The following MMRN2 variants were observed in gnomAD, a reference collection of about 807,000 sequenced individuals.
The protein encoded by MMRN2 is multimerin-2.
Under a neutral mutation model 68.8 loss-of-function variants are expected in MMRN2, and 53 were observed. The observed-to-expected ratio is 0.77, with a 90% CI of 0.62 to 0.97. The LOEUF is 0.97. Ranked by LOEUF, MMRN2 falls within the 50% of genes least tolerant of loss-of-function variation. The pLI, the probability that MMRN2 is intolerant of heterozygous loss-of-function variation, is 0.00. For missense variants in MMRN2, 1,266 were observed against 1,259.5 expected (o/e 1.01, Z -0.08); for synonymous variants, 564 against 551.6 (o/e 1.02, Z -0.32).
chr10:86,945,649 G>C lies in MMRN2; in HGVS notation c.205C>G (p.Leu69Val), dbSNP rs781225520. ...AATTTCTCTGTTTTGCAAAGAGCTA[G>C]TAAGGTGACCAGCTTGGACATTGGG... is the stretch of plus-strand genomic sequence containing the variant. ...PYPMSKLVTL[L>V]ALCKTEKFLI... is the part of the protein sequence containing the mutation. Residue 69 changes from leucine to valine, a missense_variant, in exon 2 of 7, where the codon CTA (leucine) becomes GTA (valine). By Grantham distance (32) the Leu-to-Val change is conservative. Transcript: ENST00000372027. 3.1e-6 allele frequency: 5 copies of C among 1,613,990 alleles called. No homozygotes were observed. Among genetic ancestry groups the C allele is most frequent in the East Asian group, 4.5e-5 (2 of 44,888 alleles).
rs1441288866 is a variant in MMRN2 at position 86,939,836 on chromosome 10, TG to T, written c.2467+2480del. Among the ~76,000 whole-genome samples the T allele has an allele frequency of 2.0e-3, 259 of 132,582 alleles. 1 individual carries two copies. Among genetic ancestry groups the T allele is most frequent in the African/African-American group, 7.2e-3 (246 of 34,378 alleles). 87.0% of individuals were successfully genotyped at this position (132,582 alleles called of 152,430 possible). A position where few individuals can be genotyped will look rare whatever the true frequency, so the allele number is the denominator to read the frequency against. ...GTGTGTGTGTGTGTGTGTGTGTGTG[TG>T]TTTGTGTGTGTGTGTGTGTGTGTGT... On this transcript the variant is annotated intron_variant, in intron 6 of 6. Transcript: ENST00000372027.
intron 1 of MMRN2, among the ~76,000 whole-genome samples, chr10:86,954,492 G>C (rs1447892860): frequency 1.3e-5 from 2 of 152,148 alleles, no homozygotes; most frequent in South Asian, 4.1e-4. Context: ...GCCTGTGGGA[G>C]GGGGAGGGCG....
At position 86,945,948 on chromosome 10, in the gene MMRN2, C is replaced by G. The variant is rs939323699; in HGVS notation, c.165-259G>C. On this transcript the variant is annotated intron_variant, in intron 1 of 6. Transcript: ENST00000372027. The stretch of plus-strand genomic sequence containing the variant: ...GCCAGCAGAGAGGCTGAGAAACCCA[C>G]CACAATCTAGAACTGTGAAAAGCAG... 4 of 891,850 alleles carry G rather than the reference C, an allele frequency of 4.5e-6. No homozygotes were observed. In the African/African-American group the frequency reaches 6.8e-5, roughly 15 times the overall value. The allele number at this position is 891,850 out of a possible 1,614,324, so 55.2% of individuals were successfully genotyped here. A position where few individuals can be genotyped will look rare whatever the true frequency, so the allele number is the denominator to read the frequency against.
chr10:86,949,672 T>C (rs1005749549), intron 1 of MMRN2: 4 of 151,594 alleles, frequency 2.6e-5, no homozygotes, highest in African/African-American at 9.7e-5. Context: ...GGTCAGGGGT[T>C]CCAGACCAGC....
At chr10:86,937,945 C>CT (rs908692210) in intron 6 of MMRN2, among the ~76,000 whole-genome samples, 1 of 149,590 alleles carries the variant, frequency 6.7e-6, no homozygotes, top group Admixed American at 6.7e-5. Context: ...AGCTGGTCTT[C>CT]TTTTTTTTAG....
intron 1 of MMRN2, among the ~76,000 whole-genome samples, chr10:86,950,190 C>CA: frequency 6.6e-6 from 1 of 151,876 alleles, no homozygotes; most frequent in Non-Finnish European, 1.5e-5. Flanking sequence ...ACTAAAAATA[C>CA]AAAAAATTAT....
Position 86,942,380 on chromosome 10 carries a change from A to G in MMRN2, c.2404T>C (p.Leu802=). 6.2e-7 allele frequency: 1 copy of G among 1,614,042 alleles called. No homozygotes were observed. The highest frequency in any genetic ancestry group is 8.5e-7 in the Non-Finnish European group (1 of 1,179,954). ...RKRDKKEAEP[L]VDIRVTGPVP... ...GGCCCTGTGACCCGTATGTCCACCA[A>G]AGGCTCCGCTTCCTTCTTGTCCCTC... Residue 802 remains leucine, a synonymous_variant, in exon 6 of 7, where the codon TTG becomes CTG. Transcript: ENST00000372027.
In MMRN2 at chr10:86,957,589, T is replaced by C. The variant is rs1426531245; in HGVS notation, c.-48A>G. Reference sequence around the variant, plus strand: ...CTCACACTCAGCCTTGGCAAGTAGCTCCAGAAACTGCTAGTGACGTTGTCT... The same window carrying C: ...CTCACACTCAGCCTTGGCAAGTAGCCCCAGAAACTGCTAGTGACGTTGTCT... On this transcript the variant is annotated 5_prime_UTR_variant, in exon 1 of 7. Coordinates refer to ENST00000372027, the MANE Select transcript of MMRN2 (RefSeq NM_024756.3). The C allele has an allele frequency of 6.5e-7, 1 of 1,542,576 alleles. No individual in the cohort carries two copies.
Position 86,942,591 on chromosome 10 carries a change from G to C in MMRN2, c.2193C>G (p.His731Gln). 1 of 1,610,772 alleles carries C rather than the reference G, an allele frequency of 6.2e-7. No homozygotes were observed. Among genetic ancestry groups the C allele is most frequent in the East Asian group, 2.2e-5 (1 of 44,858 alleles). ...TGGCGAAGAGTGCGTTGTGGAGGCC[G>C]TGAAGGGAGGCGTTGAGGGAGGCGG... The part of the protein sequence containing the change: ...AGAASLNASL[H>Q]GLHNALFATQ... The change falls in exon 6 of 7, where the codon CAC (histidine) becomes CAG (glutamine). Residue 731 changes from histidine (H) to glutamine (Q), a missense_variant. Transcript: ENST00000372027.
At position 86,942,729 on chromosome 10, in the gene MMRN2, G is replaced by A. The variant is rs1843993234; in HGVS notation, c.2055C>T (p.Gly685=). Residue 685 remains glycine (G), a synonymous_variant, in exon 6 of 7, where the codon GGC becomes GGT. Transcript: ENST00000372027. ...AEHLEPSHDA[G]REEAATTALA... is the part of the protein sequence containing the mutation. ...GGGCGGTGGTGGCGGCCTCCTCGCG[G>A]CCCGCGTCGTGGCTGGGCTCCAGGT... 6 of 1,433,868 alleles carry A rather than the reference G, an allele frequency of 4.2e-6. No homozygotes were observed. The highest frequency in any genetic ancestry group is 5.4e-6 in the Non-Finnish European group (6 of 1,102,024). The allele number at this position is 1,433,868 out of a possible 1,614,324, so 88.8% of individuals were successfully genotyped here.
At chr10:86,951,134 A>C (rs1323738251) in intron 1 of MMRN2, among the ~76,000 whole-genome samples, 1 of 152,206 alleles carries the variant, frequency 6.6e-6, no homozygotes, top group Non-Finnish European at 1.5e-5. Flanking sequence ...TAGCAATGCA[A>C]GCATGTTCTT....
Position 86,936,263 on chromosome 10 carries a change from C to T in MMRN2, c.*480G>A, listed in dbSNP as rs1302341452. The T allele has an allele frequency of 1.4e-5, 6 of 415,732 alleles. No individual in the cohort carries two copies. The highest frequency in any genetic ancestry group is 2.5e-5 in the Non-Finnish European group (6 of 236,214). The allele number at this position is 415,732 out of a possible 1,614,324, so 25.8% of individuals were successfully genotyped here. A position where few individuals can be genotyped will look rare whatever the true frequency, so the allele number is the denominator to read the frequency against. ...AAGCAGGTTGGTTTAATCCCATTGCCCTCTAGTGCTTTCCAATGTTGGCCA... is the reference window on the plus strand; with the variant it reads ...AAGCAGGTTGGTTTAATCCCATTGCTCTCTAGTGCTTTCCAATGTTGGCCA... On this transcript the variant is annotated 3_prime_UTR_variant, in exon 7 of 7. Coordinates refer to ENST00000372027, the MANE Select transcript of MMRN2 (RefSeq NM_024756.3).
Position 86,957,397 on chromosome 10 carries a change from C to A in MMRN2, c.145G>T (p.Gly49Cys), listed in dbSNP as rs3750823. 1 of 1,613,234 alleles carries A rather than the reference C, an allele frequency of 6.2e-7. No individual in the cohort carries two copies. The highest frequency in any genetic ancestry group is 8.5e-7 in the Non-Finnish European group (1 of 1,179,876). ...GVWKAEAEDT[G>C]KDPVGRNWCP... ...TCTTACCGTCCTACGGGGTCCTTGC[C>A]GGTGTCCTCAGCCTCTGCCTTCCAG... The change falls in exon 1 of 7, where the codon GGC becomes TGC. Residue 49 changes from glycine to cysteine, a missense_variant. Transcript: ENST00000372027.
rs1417130615 is a variant in MMRN2 at position 86,943,249 on chromosome 10, G to A, written c.1535C>T (p.Thr512Met). 2.5e-6 allele frequency: 4 copies of A among 1,612,760 alleles called. No homozygotes were observed. Among genetic ancestry groups the A allele is most frequent in the Non-Finnish European group, 1.7e-6 (2 of 1,179,568 alleles). Reference protein sequence around the residue: ...DVIREGQRDATRALEETQVSL... With the variant: ...DVIREGQRDAMRALEETQVSL... Reference sequence around the variant, plus strand: ...CACCTGGGTCTCCTCCAGGGCACGCGTGGCGTCCCTCTGGCCCTCCCGGAT... The same window carrying A: ...CACCTGGGTCTCCTCCAGGGCACGCATGGCGTCCCTCTGGCCCTCCCGGAT... The change falls in exon 6 of 7, where the codon ACG (threonine) becomes ATG (methionine). Residue 512 changes from threonine to methionine, a missense_variant. By Grantham distance (81) the Thr-to-Met change is moderately conservative (BLOSUM62 -1). Transcript: ENST00000372027. The surrounding 1 kb of genome is among the most constrained non-coding windows in gnomAD (Gnocchi z 4.2).
chr10:86,943,444 C>G lies in MMRN2; in HGVS notation c.1340G>C (p.Arg447Pro), dbSNP rs1844011041. 1 of 1,613,994 alleles carries G rather than the reference C, an allele frequency of 6.2e-7. No homozygotes were observed. Among genetic ancestry groups the G allele is most frequent in the Non-Finnish European group, 8.5e-7 (1 of 1,180,024 alleles). ...QVNHTALREL[R>P]VILMEKSLIM... ...CAGAGACTTCTCCATCAGGATCACG[C>G]GCAGCTCACGGAGCGCCGTGTGGTT... Residue 447 changes from arginine to proline, a missense_variant, in exon 6 of 7, where the codon CGC becomes CCC. Arg to Pro is a moderately radical substitution (Grantham distance 103). Coordinates refer to ENST00000372027, the MANE Select transcript of MMRN2 (RefSeq NM_024756.3). The surrounding 1 kb of genome is among the most constrained non-coding windows in gnomAD (Gnocchi z 4.2).
rs1179516493 is a variant in MMRN2, at chr10:86,943,161, G to A, written c.1623C>T (p.Asp541=). The change falls in exon 6 of 7, where the codon GAC becomes GAT. Residue 541 remains aspartate (D), a synonymous_variant. Coordinates refer to ENST00000372027, the MANE Select transcript of MMRN2 (RefSeq NM_024756.3). The surrounding 1 kb of genome is among the most constrained non-coding windows in gnomAD (Gnocchi z 4.2). The part of the protein sequence containing the change: ...SSLQALQNAV[D]AVSLAVDAHK... Reference sequence around the variant, plus strand: ...GCGCGTCCACGGCCAGCGACACGGCGTCCACGGCGTTCTGCAGGGCCTGCA... The same window carrying A: ...GCGCGTCCACGGCCAGCGACACGGCATCCACGGCGTTCTGCAGGGCCTGCA... 2 of 1,602,814 alleles carry A rather than the reference G, an allele frequency of 1.2e-6. No individual in the cohort carries two copies. Among genetic ancestry groups the A allele is most frequent in the Non-Finnish European group, 8.5e-7 (1 of 1,175,572 alleles).
rs969635748 is a variant in MMRN2, at chr10:86,946,837, G to A, written c.165-1148C>T. Among the ~76,000 whole-genome samples, 16 of 152,176 alleles carry A rather than the reference G, an allele frequency of 1.1e-4. No homozygotes were observed. The South Asian group carries it at 1.5e-3, about 14-fold the overall frequency. On this transcript the variant is annotated intron_variant, in intron 1 of 6. Coordinates refer to ENST00000372027, the MANE Select transcript of MMRN2 (RefSeq NM_024756.3). ...TCCCTTCAGGATCCCCAGGGAGAGC[G>A]GGCACTCTTAGAATGGGTGAGAAGT... is the stretch of plus-strand genomic sequence containing the variant.
intron 1 of MMRN2, among the ~76,000 whole-genome samples, chr10:86,951,061 C>T (rs1327691930): frequency 1.3e-5 from 2 of 151,970 alleles, no homozygotes; most frequent in African/African-American, 4.8e-5. Context: ...GCACTCCAGC[C>T]TGGGCAACAA....
At chr10:86,947,760 C>T (rs1186242452) in intron 1 of MMRN2, among the ~76,000 whole-genome samples, 1 of 152,004 alleles carries the variant, frequency 6.6e-6, no homozygotes, top group African/African-American at 2.4e-5. Flanking sequence ...TAAGCCAGCC[C>T]GAGAGGAAAA....
Sources: allele counts gnomAD v4.1 joint callset (sites outside exome capture counted in the v4.1 genomes callset), GRCh38; gene constraint gnomAD v4.1.1; non-coding constraint Gnocchi (gnomAD v3.1); transcripts MANE v1.5; gene names NCBI Gene and HGNC (gene_info 2026-07-23, HGNC 2026-07-21).